The following HS3ST4 variants were observed in gnomAD, a reference collection of about 807,000 sequenced individuals.
HS3ST4 encodes heparan sulfate glucosamine 3-O-sulfotransferase 4.
HS3ST4 carries 17 observed loss-of-function variants against 29.2 expected under a neutral mutation model. That is an observed-to-expected ratio of 0.58 (90% CI 0.40 to 0.87). The LOEUF (loss-of-function observed/expected upper bound fraction) is 0.87. HS3ST4 is among the 40% of genes least tolerant of loss of function. The pLI, the probability that HS3ST4 is intolerant of heterozygous loss-of-function variation, is 0.00. For missense variants in HS3ST4, 627 were observed against 634.5 expected (o/e 0.99, Z 0.13); for synonymous variants, 314 against 285.7 (o/e 1.10, Z -1.00).
chr16:25,811,748 T>G (rs972576373), intron 1 of HS3ST4, among the ~76,000 whole-genome samples: 1 of 152,202 alleles, frequency 6.6e-6, no homozygotes, highest in Admixed American at 6.5e-5. Flanking sequence ...CATTTTCTTT[T>G]GTCTAGCTTA....
At chr16:26,061,036 C>G (rs923477342) in intron 1 of HS3ST4, among the ~76,000 whole-genome samples, 1 of 152,204 alleles carries the variant, frequency 6.6e-6, no homozygotes, top group African/African-American at 2.4e-5. Context: ...TTCCCATCTT[C>G]TAAAGGGCTT....
At chr16:25,903,302 G>GTGTGTGTGTGTGTGTA (rs151301516) in intron 1 of HS3ST4, among the ~76,000 whole-genome samples, 13 of 103,496 alleles carry the variant, frequency 1.3e-4, no homozygotes, top group African/African-American at 4.9e-4. Context: ...GTGTGTGTGT[G>GTGTGTGTGTGTGTGTA]TATGTATATG....
intron 1 of HS3ST4, among the ~76,000 whole-genome samples, chr16:25,923,979 T>A (rs1201102843): frequency 6.6e-6 from 1 of 152,136 alleles, no homozygotes; most frequent in Non-Finnish European, 1.5e-5. Flanking sequence ...AAGGTTTCAT[T>A]TTTAGGTTTC....
At chr16:26,044,342 C>T (rs1898241321) in intron 1 of HS3ST4, among the ~76,000 whole-genome samples, 1 of 152,206 alleles carries the variant, frequency 6.6e-6, no homozygotes, top group Non-Finnish European at 1.5e-5. Context: ...TTTTCAGCCC[C>T]ACACCCCCAT....
rs143616333 is a variant in HS3ST4, at chr16:25,917,967, G to A, written c.735-217645G>A. 7.2e-5 allele frequency among the ~76,000 whole-genome samples: 11 copies of A among 152,190 alleles called. No individual in the cohort carries two copies. In the East Asian group the frequency reaches 1.9e-3, roughly 27 times the overall value. The stretch of plus-strand genomic sequence containing the variant: ...AAATTTATTGATTCACCCCATCCAT[G>A]CTTACTTTAATATCTCCAAACCTTA... On this transcript the variant is annotated intron_variant, in intron 1 of 1. Transcript: ENST00000331351.
chr16:26,126,976 T>C (rs74723082), intron 1 of HS3ST4, among the ~76,000 whole-genome samples: 2,271 of 151,936 alleles, frequency 0.015, 59 homozygotes, highest in African/African-American at 0.052. Context: ...AGCCGGACCA[T>C]GGGAATAAGG....
At chr16:26,107,600 A>G (rs780851269) in intron 1 of HS3ST4, among the ~76,000 whole-genome samples, 3 of 152,178 alleles carry the variant, frequency 2.0e-5, no homozygotes, top group African/African-American at 4.8e-5. Flanking sequence ...TTGTCTTTGC[A>G]TACCCATAGC....
chr16:25,851,197 A>G (rs1967517976), intron 1 of HS3ST4, among the ~76,000 whole-genome samples: 1 of 152,060 alleles, frequency 6.6e-6, no homozygotes, highest in Non-Finnish European at 1.5e-5. Flanking sequence ...CGTTTAGATT[A>G]TATGTTTGTT....
intron 1 of HS3ST4, among the ~76,000 whole-genome samples, chr16:26,020,602 G>A (rs1330040860): frequency 6.6e-6 from 1 of 152,212 alleles, no homozygotes. Flanking sequence ...GGTGATGCTG[G>A]TGCTGCTGCT....
At chr16:25,746,528 G>A (rs1414975885) in intron 1 of HS3ST4, among the ~76,000 whole-genome samples, 1 of 151,242 alleles carries the variant, frequency 6.6e-6, no homozygotes, top group Non-Finnish European at 1.5e-5. Flanking sequence ...TGAGTCAAAA[G>A]TTGATGCCAG....
rs1479117330 is a variant in HS3ST4 at position 26,135,781 on chromosome 16, C to T, written c.904C>T (p.Leu302=). ...GGCCATCTCTGACTACACGCAGACA[C>T]TGTCAAAGAAACCCGAGATCCCCAC... The part of the protein sequence containing the change: ...TRAISDYTQT[L]SKKPEIPTFE... Residue 302 remains leucine, a synonymous_variant, in exon 2 of 2, where the codon CTG becomes TTG. Transcript: ENST00000331351. 1 of 1,610,152 alleles carries T rather than the reference C, an allele frequency of 6.2e-7. No individual in the cohort carries two copies. The highest frequency in any genetic ancestry group is 8.5e-7 in the Non-Finnish European group (1 of 1,178,620).
chr16:25,801,752 G>A (rs1294454758), intron 1 of HS3ST4, among the ~76,000 whole-genome samples: 2 of 151,870 alleles, frequency 1.3e-5, no homozygotes, highest in East Asian at 1.9e-4. Flanking sequence ...TTTTATAAAG[G>A]CTATTTATTT....
chr16:25,956,249 G>T (rs908907204), intron 1 of HS3ST4, among the ~76,000 whole-genome samples: 1 of 152,108 alleles, frequency 6.6e-6, no homozygotes, highest in East Asian at 1.9e-4. Flanking sequence ...CCATGATTTC[G>T]TTCATATTGG....
intron 1 of HS3ST4, among the ~76,000 whole-genome samples, chr16:26,030,491 G>A (rs1969521990): frequency 6.6e-6 from 1 of 152,224 alleles, no homozygotes; most frequent in Admixed American, 6.5e-5. Flanking sequence ...AGCACCTGAA[G>A]CCATGGCTGG....
chr16:25,819,491 G>T (rs1596580685), intron 1 of HS3ST4, among the ~76,000 whole-genome samples: 1 of 152,248 alleles, frequency 6.6e-6, no homozygotes, highest in South Asian at 2.1e-4. Context: ...AATTCGGTGG[G>T]ATTGTGAGAC....
intron 1 of HS3ST4, among the ~76,000 whole-genome samples, chr16:25,924,444 G>A (rs1968383774): frequency 6.6e-6 from 1 of 152,180 alleles, no homozygotes; most frequent in Admixed American, 6.5e-5. Context: ...CAAAACTGAA[G>A]TTATAGCTGT....
intron 1 of HS3ST4, among the ~76,000 whole-genome samples, chr16:25,866,375 A>G (rs573027575): frequency 3.9e-5 from 6 of 152,304 alleles, no homozygotes; most frequent in Admixed American, 1.3e-4. Flanking sequence ...TTGCAGCACT[A>G]TTCACAATAG....
rs567326920 is a variant in HS3ST4 at position 25,819,998 on chromosome 16, G to A, written c.734+126847G>A. Among the ~76,000 whole-genome samples the A allele has an allele frequency of 5.6e-5, 5 of 88,700 alleles. No individual in the cohort carries two copies. The South Asian group carries it at 1.7e-3, about 30-fold the overall frequency. The allele number at this position is 88,700 out of a possible 152,430, so 58.2% of individuals were successfully genotyped here. A position where few individuals can be genotyped will look rare whatever the true frequency, so the allele number is the denominator to read the frequency against. On this transcript the variant is annotated intron_variant, in intron 1 of 1. Transcript: ENST00000331351. ...TGCACTCCAGCCTGGGTGACAGAGT[G>A]ATACTCTGTCTCAAAAAAAAAAAAA...
At chr16:26,062,912 T>A (rs1227346307) in intron 1 of HS3ST4, 1 of 226,466 alleles carries the variant, frequency 4.4e-6, no homozygotes, top group East Asian at 1.1e-4. Flanking sequence ...TCACCAACTT[T>A]CATGCTAACT....
Sources: gnomAD v4.1 joint callset for allele counts (sites outside exome capture counted in the v4.1 genomes callset) on GRCh38, gnomAD v4.1.1 for gene constraint, MANE v1.5 for transcripts, NCBI Gene and HGNC (gene_info 2026-07-23, HGNC 2026-07-21) for gene names.